Variants in SLC16A10 observed in about 807,000 individuals in gnomAD.
SLC16A10 encodes solute carrier family 16 member 10.
SLC16A10 carries 27 observed loss-of-function variants against 40.0 expected under a neutral mutation model. The observed-to-expected ratio is 0.67, with a 90% confidence interval of 0.50 to 0.93. The LOEUF (loss-of-function observed/expected upper bound fraction) is 0.93. SLC16A10 is among the 40% of genes least tolerant of loss of function. The pLI is 0.00. For missense variants in SLC16A10, 529 were observed against 658.2 expected (o/e 0.80, Z 2.15); for synonymous variants, 213 against 249.8 (o/e 0.85, Z 1.39).
At chr6:111,201,918 C>A (rs1421377164) in intron 3 of SLC16A10, among the ~76,000 whole-genome samples, 2 of 152,130 alleles carry the variant, frequency 1.3e-5, no homozygotes, top group African/African-American at 4.8e-5. Context: ...TGTACTGTGG[C>A]CACCCATTTA....
At chr6:111,159,889 T>C (rs1357922132) in intron 1 of SLC16A10, among the ~76,000 whole-genome samples, 1 of 152,230 alleles carries the variant, frequency 6.6e-6, no homozygotes, top group Non-Finnish European at 1.5e-5. Flanking sequence ...TGATGACTAA[T>C]GATATTGGGT....
chr6:111,230,633 T>A lies in SLC16A10; in HGVS notation c.*8398T>A, dbSNP rs1289432229. 1 of 152,210 alleles carries A rather than the reference T, an allele frequency of 6.6e-6. No individual in the cohort carries two copies. Among genetic ancestry groups the A allele is most frequent in the Non-Finnish European group, 1.5e-5 (1 of 68,030 alleles). 9.4% of individuals were successfully genotyped at this position (152,210 alleles called of 1,614,324 possible). On this transcript the variant is annotated 3_prime_UTR_variant, in exon 6 of 6. Transcript: ENST00000368851. ...TGCTTGATAAAAGTTGCATTTTGCTTTTGTTCTTCCACCAGTTTATTTTAG... is the reference window on the plus strand; with the variant it reads ...TGCTTGATAAAAGTTGCATTTTGCTATTGTTCTTCCACCAGTTTATTTTAG...
At chr6:111,215,443 A>G (rs979604790) in intron 4 of SLC16A10, among the ~76,000 whole-genome samples, 1 of 150,924 alleles carries the variant, frequency 6.6e-6, no homozygotes, top group African/African-American at 2.4e-5. Flanking sequence ...GGAAATATGT[A>G]CTGACCAAAA....
At chr6:111,109,946 G>T (rs1173385752) in intron 1 of SLC16A10, among the ~76,000 whole-genome samples, 1 of 151,864 alleles carries the variant, frequency 6.6e-6, no homozygotes, top group African/African-American at 2.4e-5. Context: ...TTCTCAAGTG[G>T]GTAATACTGT....
At chr6:111,194,697 C>T (rs1047542192) in intron 3 of SLC16A10, among the ~76,000 whole-genome samples, 1 of 152,150 alleles carries the variant, frequency 6.6e-6, no homozygotes, top group Non-Finnish European at 1.5e-5. Flanking sequence ...AACTTGTTAT[C>T]TCTGCTTCTG....
intron 1 of SLC16A10, among the ~76,000 whole-genome samples, chr6:111,122,380 G>T (rs183271974): frequency 1.3e-5 from 2 of 152,314 alleles, no homozygotes; most frequent in East Asian, 3.9e-4. Context: ...CTATCAATTG[G>T]AAAGGAGTTC....
At chr6:111,199,583 A>G (rs571128817) in intron 3 of SLC16A10, among the ~76,000 whole-genome samples, 1 of 152,340 alleles carries the variant, frequency 6.6e-6, no homozygotes. Flanking sequence ...TATCTGGCAC[A>G]GAAATTATTT....
chr6:111,141,809 A>G lies in SLC16A10; in HGVS notation c.344-30886A>G, dbSNP rs75544738. Among the ~76,000 whole-genome samples the G allele has an allele frequency of 8.7e-3, 1,328 of 152,356 alleles. 12 individuals are homozygous for G. The highest frequency in any genetic ancestry group is 0.031 in the African/African-American group (1,276 of 41,572). ...GATGAAAGAAATAAAAGAACCAAAT[A>G]AATGGACAGATATTCCATGTTCATG... On this transcript the variant is annotated intron_variant, in intron 1 of 5. Transcript: ENST00000368851.
intron 5 of SLC16A10, among the ~76,000 whole-genome samples, chr6:111,220,651 C>T (rs1770872540): frequency 6.6e-6 from 1 of 152,232 alleles, no homozygotes; most frequent in African/African-American, 2.4e-5. Context: ...ATTCCTTCTT[C>T]TCTCCCGCAG....
At chr6:111,152,364 A>G (rs899082958) in intron 1 of SLC16A10, among the ~76,000 whole-genome samples, 35 of 152,354 alleles carry the variant, frequency 2.3e-4, no homozygotes, top group African/African-American at 8.4e-4. Flanking sequence ...AGCATCTAGA[A>G]TAGTGCTGGC....
chr6:111,092,347 T>G (rs1770993781), intron 1 of SLC16A10, among the ~76,000 whole-genome samples: 1 of 143,740 alleles, frequency 7.0e-6, no homozygotes, highest in Non-Finnish European at 1.5e-5. Flanking sequence ...TGAGACAGAT[T>G]CTCACTCTGT....
intron 1 of SLC16A10, among the ~76,000 whole-genome samples, chr6:111,169,332 A>G (rs1032058076): frequency 1.3e-5 from 2 of 152,216 alleles, no homozygotes; most frequent in Non-Finnish European, 2.9e-5. Context: ...GAGAAGAATG[A>G]ATTATCCAAG....
chr6:111,142,013 G>A (rs1402341444), intron 1 of SLC16A10, among the ~76,000 whole-genome samples: 3 of 110,578 alleles, frequency 2.7e-5, no homozygotes, highest in African/African-American at 1.0e-4. Flanking sequence ...GCAGAATAAA[G>A]TTAAAGTCTC....
In SLC16A10 at chr6:111,222,245, T is replaced by G. The variant is rs758421636; in HGVS notation, c.*10T>G. ...TGACTCTATTATTTAATATCTTACA[T>G]ACCTCCACCAGACTGGACTTGCTTT... On this transcript the variant is annotated 3_prime_UTR_variant, in exon 6 of 6. Transcript: ENST00000368851. The G allele has an allele frequency of 4.4e-6, 7 of 1,586,700 alleles. No individual in the cohort carries two copies. In the Admixed American group the frequency reaches 1.4e-4, roughly 31 times the overall value.
rs955385002 is a variant in SLC16A10 at position 111,224,526 on chromosome 6, A to G, written c.*2291A>G. 6.6e-6 allele frequency: 1 copy of G among 152,234 alleles called. No homozygotes were observed. The highest frequency in any genetic ancestry group is 2.4e-5 in the African/African-American group (1 of 41,462). 9.4% of individuals were successfully genotyped at this position (152,234 alleles called of 1,614,324 possible). A position where few individuals can be genotyped will look rare whatever the true frequency, so the allele number is the denominator to read the frequency against. On this transcript the variant is annotated 3_prime_UTR_variant, in exon 6 of 6. Coordinates refer to ENST00000368851, the MANE Select transcript of SLC16A10 (RefSeq NM_018593.5). ...TGTGTTTGTATATTAAACTTCACAT[A>G]TGTAGTTTTCAGTTTAATGGAATGA...
chr6:111,230,497 G>A lies in SLC16A10; in HGVS notation c.*8262G>A, dbSNP rs1308111177. The A allele has an allele frequency of 6.6e-6, 1 of 152,168 alleles. No individual in the cohort carries two copies. The highest frequency in any genetic ancestry group is 6.5e-5 in the Admixed American group (1 of 15,270). 9.4% of individuals were successfully genotyped at this position (152,168 alleles called of 1,614,324 possible). On this transcript the variant is annotated 3_prime_UTR_variant, in exon 6 of 6. Coordinates refer to ENST00000368851, the MANE Select transcript of SLC16A10 (RefSeq NM_018593.5). ...GTTATATTTGGCAGAGAGAATGGAA[G>A]CTTGCTAATCAGAAGTTACATTAGG...
intron 1 of SLC16A10, among the ~76,000 whole-genome samples, chr6:111,127,695 C>T (rs910466695): frequency 6.6e-6 from 1 of 152,116 alleles, no homozygotes; most frequent in Non-Finnish European, 1.5e-5. Context: ...ATATTTATCA[C>T]GTATTTTTGC....
At chr6:111,098,188 C>T (rs1338409041) in intron 1 of SLC16A10, among the ~76,000 whole-genome samples, 2 of 152,120 alleles carry the variant, frequency 1.3e-5, no homozygotes, top group Non-Finnish European at 2.9e-5. Context: ...TGCCTGTAAT[C>T]TCAGCTACTG....
At chr6:111,154,518 A>G (rs1177245982) in intron 1 of SLC16A10, among the ~76,000 whole-genome samples, 1 of 152,242 alleles carries the variant, frequency 6.6e-6, no homozygotes, top group African/African-American at 2.4e-5. Context: ...TGGTTAAATA[A>G]GACACAATTT....
Sources: gnomAD v4.1 joint callset for allele counts (sites outside exome capture counted in the v4.1 genomes callset) on GRCh38, gnomAD v4.1.1 for gene constraint, MANE v1.5 for transcripts, NCBI Gene and HGNC (gene_info 2026-07-23, HGNC 2026-07-21) for gene names.